The following CSMD1 variants were observed in gnomAD, a reference collection of about 807,000 sequenced individuals.
CSMD1 encodes the protein CUB and Sushi multiple domains 1.
In CSMD1, 213 loss-of-function variants were observed where a neutral mutation model predicts 417.5. The observed-to-expected ratio is 0.51, with a 90% CI of 0.46 to 0.57. The LOEUF (loss-of-function observed/expected upper bound fraction) is 0.57, where lower values mean the gene tolerates loss of function less well. Ranked by LOEUF, CSMD1 falls within the 20% of genes least tolerant of loss-of-function variation. The pLI is 0.00. For synonymous variants in CSMD1, 2,862 were observed against 1,736.8 expected, an observed-to-expected ratio of 1.65 and a Z score of -16.11; for missense variants, 6,923 against 4,529.7, an observed-to-expected ratio of 1.53 and a Z score of -15.17.
chr8:3,337,638 T>C (rs1215289043), intron 23 of CSMD1, among the ~76,000 whole-genome samples: 1 of 152,190 alleles, frequency 6.6e-6, no homozygotes, highest in Non-Finnish European at 1.5e-5. Context: ...GAGAGGTCCA[T>C]GGCCTTAAGC....
chr8:3,608,403 C>A (rs1801724889), intron 8 of CSMD1, among the ~76,000 whole-genome samples: 1 of 152,072 alleles, frequency 6.6e-6, no homozygotes. Flanking sequence ...ATTCAGGGAG[C>A]TCCCTAAGTT....
intron 23 of CSMD1, among the ~76,000 whole-genome samples, chr8:3,309,262 A>C (rs1805137491): frequency 6.6e-6 from 1 of 152,094 alleles, no homozygotes; most frequent in African/African-American, 2.4e-5. Context: ...GCCCATTGTC[A>C]AGACCCGCCC....
chr8:3,277,746 G>C (rs972538649), intron 26 of CSMD1, among the ~76,000 whole-genome samples: 1 of 152,176 alleles, frequency 6.6e-6, no homozygotes, highest in African/African-American at 2.4e-5. Context: ...ACACTCAGGG[G>C]AGAAGCCTGG....
chr8:3,401,002 T>G (rs1030024222), intron 15 of CSMD1, among the ~76,000 whole-genome samples: 3 of 151,762 alleles, frequency 2.0e-5, no homozygotes, highest in Admixed American at 6.6e-5. Context: ...GTTAATTTCT[T>G]AAATTCACAT....
chr8:2,990,077 T>G (rs1478235365), intron 54 of CSMD1, among the ~76,000 whole-genome samples: 1 of 152,150 alleles, frequency 6.6e-6, no homozygotes, highest in Non-Finnish European at 1.5e-5. Context: ...TGTGTGGAGG[T>G]AACTGGGACA....
At chr8:4,206,542 T>C (rs1410076944) in intron 3 of CSMD1, among the ~76,000 whole-genome samples, 4 of 152,274 alleles carry the variant, frequency 2.6e-5, no homozygotes, top group African/African-American at 9.6e-5. Context: ...TGCCTAGTAT[T>C]CCATGGTGTA....
chr8:4,302,727 C>G (rs978958840), intron 3 of CSMD1, among the ~76,000 whole-genome samples: 11 of 152,308 alleles, frequency 7.2e-5, no homozygotes, highest in African/African-American at 2.6e-4. Flanking sequence ...CTCTTTTCTT[C>G]TCATTAAGTC....
chr8:3,936,925 G>C (rs1810538242), intron 5 of CSMD1, among the ~76,000 whole-genome samples: 1 of 152,176 alleles, frequency 6.6e-6, no homozygotes, highest in Admixed American at 6.5e-5. Context: ...GAATGTTTGT[G>C]ATTCATGGGA....
chr8:4,584,135 G>C (rs1050324041), intron 2 of CSMD1, among the ~76,000 whole-genome samples: 1 of 151,934 alleles, frequency 6.6e-6, no homozygotes, highest in East Asian at 1.9e-4. Context: ...ACGTCAGAAG[G>C]AACAAACTCC....
At chr8:4,135,402 GAGGGAAAGAGGGGGAAGGAA>G (rs1462260273) in intron 3 of CSMD1, among the ~76,000 whole-genome samples, 12 of 125,078 alleles carry the variant, frequency 9.6e-5, no homozygotes, top group South Asian at 5.9e-4. Context: ...GAAGGGGAAA[GAGGGAAAGAGGGGGAAGGAA>G]GGGGAAGGAG....
intron 7 of CSMD1, among the ~76,000 whole-genome samples, chr8:3,691,845 A>G (rs1300739031): frequency 3.3e-5 from 5 of 152,218 alleles, no homozygotes; most frequent in Admixed American, 6.5e-5. Flanking sequence ...GAGAGTCTGT[A>G]ACTTGAATAT....
At chr8:4,235,352 C>A (rs1053389649) in intron 3 of CSMD1, among the ~76,000 whole-genome samples, 7 of 127,132 alleles carry the variant, frequency 5.5e-5, no homozygotes, top group Non-Finnish European at 7.6e-5. Context: ...AATCAAAAGA[C>A]GTGTTTTGTT....
intron 8 of CSMD1, among the ~76,000 whole-genome samples, chr8:3,610,910 G>C (rs1009670089): frequency 6.6e-6 from 1 of 151,930 alleles, no homozygotes; most frequent in Non-Finnish European, 1.5e-5. Context: ...AAACAATGAT[G>C]GGAAAAACTG....
At chr8:4,458,001 G>C (rs1217679) in intron 2 of CSMD1, among the ~76,000 whole-genome samples, 1 of 152,162 alleles carries the variant, frequency 6.6e-6, no homozygotes, top group Non-Finnish European at 1.5e-5. Flanking sequence ...CTGAGAGGTA[G>C]TGACTTCTCC....
chr8:4,890,112 T>C (rs1804008833), intron 1 of CSMD1, among the ~76,000 whole-genome samples: 1 of 152,170 alleles, frequency 6.6e-6, no homozygotes, highest in South Asian at 2.1e-4. Context: ...AAGAAAACTA[T>C]TTTATGATGG....
chr8:4,314,129 G>T (rs1030449652), intron 3 of CSMD1, among the ~76,000 whole-genome samples: 53 of 152,062 alleles, frequency 3.5e-4, no homozygotes, highest in African/African-American at 1.3e-3. Flanking sequence ...TATCCGACAT[G>T]CAGAGACTGT....
intron 49 of CSMD1, among the ~76,000 whole-genome samples, chr8:3,078,761 G>C (rs565323816): frequency 1.3e-5 from 2 of 152,276 alleles, no homozygotes; most frequent in East Asian, 3.9e-4. Flanking sequence ...AAGAAGGGAA[G>C]TATGTTACCA....
At chr8:3,845,091 A>T (rs756013752) in intron 5 of CSMD1, among the ~76,000 whole-genome samples, 4 of 152,256 alleles carry the variant, frequency 2.6e-5, no homozygotes, top group Middle Eastern at 3.2e-3. Flanking sequence ...ATGCATACAT[A>T]TATTTAGAAG....
chr8:4,516,597 G>T (rs1300443019), intron 2 of CSMD1, among the ~76,000 whole-genome samples: 3 of 152,082 alleles, frequency 2.0e-5, no homozygotes, highest in Admixed American at 6.5e-5. Context: ...GTTGTATGGG[G>T]TCTCCCTTCT....
Sources: allele counts gnomAD v4.1 joint callset (sites outside exome capture counted in the v4.1 genomes callset), GRCh38; gene constraint gnomAD v4.1.1; transcripts MANE v1.5; gene names NCBI Gene and HGNC (gene_info 2026-07-23, HGNC 2026-07-21).